The following PARD3B variants were observed in gnomAD, a reference collection of about 807,000 sequenced individuals.
PARD3B encodes partitioning defective 3 homolog B.
Under a neutral mutation model 130.2 loss-of-function variants are expected in PARD3B, and 103 were observed. The observed-to-expected ratio is 0.79, with a 90% CI of 0.67 to 0.93. The LOEUF (loss-of-function observed/expected upper bound fraction) is 0.93. Among genes scored for constraint, PARD3B ranks in the 40% least tolerant of loss-of-function variants. PARD3B has a pLI of 0.00. For synonymous variants in PARD3B, 583 were observed against 553.2 expected, an observed-to-expected ratio of 1.05 and a Z score of -0.76; for missense variants, 1,609 against 1,499.2, an observed-to-expected ratio of 1.07 and a Z score of -1.21.
chr2:204,986,371 G>A (rs1575484274), intron 3 of PARD3B, among the ~76,000 whole-genome samples: 2 of 152,200 alleles, frequency 1.3e-5, no homozygotes, highest in African/African-American at 4.8e-5. Context: ...AAGTGTTATC[G>A]ACAGAGCATA....
At chr2:205,360,169 C>T (rs563589209) in intron 18 of PARD3B, among the ~76,000 whole-genome samples, 4 of 152,058 alleles carry the variant, frequency 2.6e-5, no homozygotes, top group African/African-American at 7.2e-5. Context: ...GTTTGGACAT[C>T]GTTTTATATG....
chr2:205,103,387 T>A (rs1265008856), intron 4 of PARD3B, among the ~76,000 whole-genome samples: 1 of 147,642 alleles, frequency 6.8e-6, no homozygotes, highest in Non-Finnish European at 1.5e-5. Flanking sequence ...TAAATATTTA[T>A]ATAAATTATA....
intron 2 of PARD3B, among the ~76,000 whole-genome samples, chr2:204,819,575 T>A (rs2043263781): frequency 6.6e-6 from 1 of 152,148 alleles, no homozygotes; most frequent in Non-Finnish European, 1.5e-5. Context: ...GAGTCATACA[T>A]CTCTCACTTT....
intron 2 of PARD3B, among the ~76,000 whole-genome samples, chr2:204,748,082 T>C (rs6706978): frequency 0.052 from 7,887 of 152,172 alleles, 256 homozygotes; most frequent in South Asian, 0.088. Flanking sequence ...TTTATTGAGT[T>C]CTTACTGATA....
Position 204,925,065 on chromosome 2 carries a change from A to G in PARD3B, c.223-40087A>G, listed in dbSNP as rs866606443. 1.1e-3 allele frequency among the ~76,000 whole-genome samples: 161 copies of G among 151,132 alleles called. 1 individual carries two copies. Among genetic ancestry groups the G allele is most frequent in the African/African-American group, 3.6e-3 (148 of 41,378 alleles). ...AATATATGTGTATATACAGGTATCT[A>G]TGTATATAAGATATATATGTGTATC... is the stretch of plus-strand genomic sequence containing the variant. On this transcript the variant is annotated intron_variant, in intron 2 of 22. Coordinates refer to ENST00000406610, the MANE Select transcript of PARD3B (RefSeq NM_001302769.2).
chr2:205,082,182 T>C (rs1701457914), intron 4 of PARD3B, among the ~76,000 whole-genome samples: 1 of 152,190 alleles, frequency 6.6e-6, no homozygotes, highest in Non-Finnish European at 1.5e-5. Flanking sequence ...TTTTCTATTA[T>C]TGTCTGTGGA....
At chr2:205,414,524 T>C (rs2046708388) in intron 19 of PARD3B, among the ~76,000 whole-genome samples, 1 of 152,164 alleles carries the variant, frequency 6.6e-6, no homozygotes, top group African/African-American at 2.4e-5. Context: ...TTTGAAAGTA[T>C]AGTGGCCTCC....
At chr2:205,552,704 G>A (rs1052513205) in intron 21 of PARD3B, among the ~76,000 whole-genome samples, 11 of 152,080 alleles carry the variant, frequency 7.2e-5, no homozygotes, top group African/African-American at 2.4e-4. Context: ...ATGAGCCACC[G>A]AACCCAGCCA....
intron 3 of PARD3B, among the ~76,000 whole-genome samples, chr2:205,033,397 T>C (rs1697565696): frequency 6.6e-6 from 1 of 152,160 alleles, no homozygotes. Context: ...ATAGATTATC[T>C]CCTTTTGGAA....
At chr2:204,821,779 CCA>C (rs1268750476) in intron 2 of PARD3B, among the ~76,000 whole-genome samples, 1 of 152,082 alleles carries the variant, frequency 6.6e-6, no homozygotes, top group Non-Finnish European at 1.5e-5. Context: ...TTGCCTGCCA[CCA>C]TCCATGTGAG....
chr2:205,304,550 G>A (rs1227906049), intron 18 of PARD3B, among the ~76,000 whole-genome samples: 25 of 151,144 alleles, frequency 1.7e-4, no homozygotes, highest in Admixed American at 1.7e-3. Context: ...CAGGAGAATC[G>A]CTTGAACCTG....
At chr2:205,346,845 C>T (rs966913366) in intron 18 of PARD3B, among the ~76,000 whole-genome samples, 1 of 152,116 alleles carries the variant, frequency 6.6e-6, no homozygotes, top group African/African-American at 2.4e-5. Context: ...CAGCTCTCAC[C>T]CATTATCCTT....
chr2:204,628,128 T>G (rs16836416), intron 1 of PARD3B, among the ~76,000 whole-genome samples: 1,749 of 152,224 alleles, frequency 0.011, 14 homozygotes, highest in Non-Finnish European at 0.02. Context: ...TGTATATGTT[T>G]AACTTGGTTT....
intron 2 of PARD3B, among the ~76,000 whole-genome samples, chr2:204,939,382 G>A (rs1338001795): frequency 6.6e-6 from 1 of 152,126 alleles, no homozygotes; most frequent in Non-Finnish European, 1.5e-5. Context: ...TCCAAGGGGA[G>A]GTGACATTGT....
chr2:204,934,181 G>C (rs1688237569), intron 2 of PARD3B, among the ~76,000 whole-genome samples: 1 of 152,108 alleles, frequency 6.6e-6, no homozygotes, highest in South Asian at 2.1e-4. Flanking sequence ...TTTTACTTGT[G>C]ACATCTGTTT....
intron 4 of PARD3B, among the ~76,000 whole-genome samples, chr2:205,094,172 A>G (rs1374373685): frequency 6.6e-6 from 1 of 152,174 alleles, no homozygotes; most frequent in East Asian, 1.9e-4. Context: ...TATTTTCAGT[A>G]GGTCTTATAA....
chr2:205,558,716 T>A lies in PARD3B; in HGVS notation c.3260+5313T>A, dbSNP rs2106513827. 6.6e-6 allele frequency among the ~76,000 whole-genome samples: 1 copy of A among 152,280 alleles called. No individual in the cohort carries two copies. Among genetic ancestry groups the A allele is most frequent in the East Asian group, 1.9e-4 (1 of 5,160 alleles). On this transcript the variant is annotated intron_variant, in intron 22 of 22. Coordinates refer to ENST00000406610, the MANE Select transcript of PARD3B (RefSeq NM_001302769.2). This position sits in a 1 kb window ranked among gnomAD's most constrained non-coding sequence, Gnocchi z 4.8. ...CCTGCCAATTCAATGCCCGTCTCTA[T>A]GATGATTCCAAAAGTACCTGCCTAA... is the stretch of plus-strand genomic sequence containing the variant.
At chr2:205,205,600 A>G (rs960053289) in intron 15 of PARD3B, among the ~76,000 whole-genome samples, 3 of 152,112 alleles carry the variant, frequency 2.0e-5, no homozygotes, top group Non-Finnish European at 4.4e-5. Flanking sequence ...AATCGTTTTT[A>G]TTATTTTGAG....
Position 205,575,555 on chromosome 2 carries a change from T to TA in PARD3B, c.3260+22153dup, listed in dbSNP as rs1381713627. On this transcript the variant is annotated intron_variant, in intron 22 of 22. Coordinates refer to ENST00000406610, the MANE Select transcript of PARD3B (RefSeq NM_001302769.2). The surrounding 1 kb of genome is among the most constrained non-coding windows in gnomAD (Gnocchi z 4.6). ...ATACCCCACTCCACACCATTACCCC[T>TA]AGCTACTATTGATCTTTTTGCTGTC... Among the ~76,000 whole-genome samples the TA allele has an allele frequency of 1.1e-4, 17 of 152,180 alleles. No individual in the cohort carries two copies. Among genetic ancestry groups the TA allele is most frequent in the African/African-American group, 2.4e-5 (1 of 41,456 alleles).
Sources: allele counts gnomAD v4.1 joint callset (sites outside exome capture counted in the v4.1 genomes callset), GRCh38; gene constraint gnomAD v4.1.1; non-coding constraint Gnocchi (gnomAD v3.1); transcripts MANE v1.5; gene names NCBI Gene and HGNC (gene_info 2026-07-23, HGNC 2026-07-21).